SYT15B: variants seen among roughly 807,000 people sequenced by gnomAD.
The protein encoded by SYT15B is synaptotagmin 15B.
At chr10:47,750,354 CTTATT>C in the SYT15B span, among the ~76,000 whole-genome samples, 112 of 132,774 alleles carry the variant, frequency 8.4e-4, 1 homozygote, top group African/African-American at 2.5e-3. Context: ...TATTTATTTA[CTTATT>C]TTATTTTTTT....
chr10:47,746,815 A>G, the SYT15B span, among the ~76,000 whole-genome samples: 2 of 90,136 alleles, frequency 2.2e-5, no homozygotes, highest in African/African-American at 4.1e-5. Flanking sequence ...TAGCAAAAAA[A>G]TTGCACACTG....
chr10:47,755,415 C>T, the SYT15B span, among the ~76,000 whole-genome samples: 1 of 152,194 alleles, frequency 6.6e-6, no homozygotes, highest in Admixed American at 6.5e-5. Context: ...GCCACCACAC[C>T]CAGCTAATTT....
At chr10:47,745,716 T>A in the SYT15B span, among the ~76,000 whole-genome samples, 2 of 136,968 alleles carry the variant, frequency 1.5e-5, no homozygotes, top group Non-Finnish European at 3.2e-5. Context: ...AGATCCCAGC[T>A]CCAGGAAACA....
the SYT15B span, among the ~76,000 whole-genome samples, chr10:47,755,262 T>TC: frequency 6.9e-6 from 1 of 145,668 alleles, no homozygotes; most frequent in Non-Finnish European, 1.5e-5. Flanking sequence ...GCCAACCTCT[T>TC]TTTTTTTTTT....
At chr10:47,755,145 C>G in the SYT15B span, among the ~76,000 whole-genome samples, 2 of 151,374 alleles carry the variant, frequency 1.3e-5, no homozygotes, top group Non-Finnish European at 2.9e-5. Context: ...TTAGTACAGA[C>G]AGAATTTTAC....
the SYT15B span, chr10:47,762,938 CGGGCGCCAG>C: frequency 6.6e-3 from 8,919 of 1,346,340 alleles, 102 homozygotes; most frequent in African/African-American, 0.027. Flanking sequence ...GGGCGGGTCC[CGGGCGCCAG>C]GGGCGCCAGG....
the SYT15B span, among the ~76,000 whole-genome samples, chr10:47,746,926 G>A: frequency 1.6e-5 from 2 of 121,396 alleles, no homozygotes; most frequent in Admixed American, 1.8e-4. Flanking sequence ...TCCTTTTTCT[G>A]AGAAAAGAAT....
chr10:47,762,441 C>T, the SYT15B span, among the ~76,000 whole-genome samples: 2 of 131,224 alleles, frequency 1.5e-5, no homozygotes. Context: ...GGCCGGACCC[C>T]CCACACCTCC....
the SYT15B span, among the ~76,000 whole-genome samples, chr10:47,762,055 A>G: frequency 1.5e-5 from 2 of 130,614 alleles, no homozygotes; most frequent in Non-Finnish European, 3.3e-5. Flanking sequence ...CAGTTAAGGA[A>G]AGCCCTGAAA....
the SYT15B span, among the ~76,000 whole-genome samples, chr10:47,747,896 A>C: frequency 1.3e-5 from 2 of 151,920 alleles, no homozygotes; most frequent in Admixed American, 6.6e-5. Flanking sequence ...TTAACTACTT[A>C]GCATATGGGT....
At chr10:47,758,077 G>GAA in the SYT15B span, 1 of 1,028,338 alleles carries the variant, frequency 9.7e-7, no homozygotes, top group Non-Finnish European at 1.3e-6. Context: ...TCTGGGTGAT[G>GAA]GTCTTGCTGG....
chr10:47,762,773 C>A, the SYT15B span: 1 of 1,200,154 alleles, frequency 8.3e-7, no homozygotes, highest in Non-Finnish European at 1.0e-6. Context: ...TGCCCAGCTG[C>A]GGCGCGGGGA....
At chr10:47,746,610 G>A in the SYT15B span, among the ~76,000 whole-genome samples, 4 of 112,364 alleles carry the variant, frequency 3.6e-5, no homozygotes, top group East Asian at 2.7e-4. Context: ...CCTGGGAGGC[G>A]GAGGTTGCAG....
the SYT15B span, among the ~76,000 whole-genome samples, chr10:47,748,659 C>G: frequency 2.0e-5 from 3 of 152,284 alleles, no homozygotes; most frequent in Middle Eastern, 6.8e-3. Context: ...TCCCTCCTGT[C>G]GTTTTCTTTT....
At chr10:47,751,062 T>C in the SYT15B span, 1 of 150,438 alleles carries the variant, frequency 6.6e-6, no homozygotes, top group African/African-American at 2.5e-5. Flanking sequence ...TATATGTTAA[T>C]GAGTACATTA....
At chr10:47,762,555 G>C in the SYT15B span, 1 of 359,114 alleles carries the variant, frequency 2.8e-6, no homozygotes, top group Non-Finnish European at 4.8e-6. Context: ...GCACCCCAGC[G>C]GGGGCGGCGG....
the SYT15B span, chr10:47,762,491 A>G: frequency 4.0e-6 from 1 of 251,318 alleles, no homozygotes; most frequent in Non-Finnish European, 7.2e-6. Flanking sequence ...CTCAGCGTCT[A>G]CTCCATCCCA....
At chr10:47,763,360 G>C in the SYT15B span, 3 of 985,500 alleles carry the variant, frequency 3.0e-6, no homozygotes, top group Non-Finnish European at 3.6e-6. Context: ...CCTGCGATTT[G>C]GGACAACTTA....
At chr10:47,755,159 G>T in the SYT15B span, among the ~76,000 whole-genome samples, 1 of 151,454 alleles carries the variant, frequency 6.6e-6, no homozygotes, top group Non-Finnish European at 1.5e-5. Context: ...ATTTTACTAT[G>T]TTGGCCAGGA....
Sources: gnomAD v4.1 joint callset for allele counts (sites outside exome capture counted in the v4.1 genomes callset) on GRCh38, gnomAD v4.1.1 for gene constraint, MANE v1.5 for transcripts, NCBI Gene and HGNC (gene_info 2026-07-23, HGNC 2026-07-21) for gene names.